Variants in MICU3 observed in about 807,000 individuals in gnomAD.
MICU3 encodes the protein calcium uptake protein 3, mitochondrial.
Under a neutral mutation model 66.5 loss-of-function variants are expected in MICU3, and 62 were observed. That is an observed-to-expected ratio of 0.93 (90% CI 0.76 to 1.15). The LOEUF is 1.15. Among genes scored for constraint, MICU3 ranks in the 50% most tolerant of loss-of-function variants. The pLI is 0.00. For missense variants in MICU3, 779 were observed against 664.4 expected, an observed-to-expected ratio of 1.17 and a Z score of -1.90; for synonymous variants, 308 against 240.7, an observed-to-expected ratio of 1.28 and a Z score of -2.59.
intron 1 of MICU3, among the ~76,000 whole-genome samples, chr8:17,049,328 T>C (rs116159687): frequency 8.5e-5 from 13 of 152,124 alleles, no homozygotes; most frequent in Non-Finnish European, 1.5e-4. Context: ...ATCTAACTTA[T>C]AGTGCCACAG....
At chr8:17,106,416 T>A (rs921885330) in intron 11 of MICU3, among the ~76,000 whole-genome samples, 12 of 152,028 alleles carry the variant, frequency 7.9e-5, no homozygotes, top group African/African-American at 2.9e-4. Context: ...GTACTTTTTG[T>A]CTGTTGTACA....
chr8:17,035,559 A>G (rs1806048961), intron 1 of MICU3, among the ~76,000 whole-genome samples: 1 of 152,240 alleles, frequency 6.6e-6, no homozygotes, highest in Non-Finnish European at 1.5e-5. Context: ...CAAAGAGACT[A>G]GTGGCATGTT....
rs1462103306 is a variant in MICU3 at position 17,118,641 on chromosome 8, T to G, written c.1525-66T>G. 1.7e-5 allele frequency: 18 copies of G among 1,030,586 alleles called. No individual in the cohort carries two copies. The South Asian group carries it at 2.3e-4, about 13-fold the overall frequency. The allele number at this position is 1,030,586 out of a possible 1,614,324, so 63.8% of individuals were successfully genotyped here. On this transcript the variant is annotated intron_variant, in intron 13 of 14. Coordinates refer to ENST00000318063, the MANE Select transcript of MICU3 (RefSeq NM_181723.3). ...TGAGTTTGACTTTTTAGATTCCACA[T>G]GTAAGTGAAATCACGCTGTATTTGT...
At chr8:17,123,708 T>G (rs1490183902), downstream of MICU3, among the ~76,000 whole-genome samples, 1 of 152,006 alleles carries the variant, frequency 6.6e-6, no homozygotes, top group Non-Finnish European at 1.5e-5. Flanking sequence ...TATATGTCAA[T>G]AAATAGATTT....
rs540809916 is a variant in MICU3, at chr8:17,037,334, G to A, written c.381+9674G>A. The stretch of plus-strand genomic sequence containing the variant: ...TGGGAGCCCAGGCAGAGGAGGTGCC[G>A]AGAGCGAGCGAGGACTGTGAAGACT... On this transcript the variant is annotated intron_variant, in intron 1 of 14. Transcript: ENST00000318063. 4.6e-4 allele frequency among the ~76,000 whole-genome samples: 70 copies of A among 152,340 alleles called. 3 individuals are homozygous for A. Among genetic ancestry groups the A allele is most frequent in the African/African-American group, 1.6e-3 (66 of 41,586 alleles).
At chr8:17,128,914 A>G in the MICU3 span, among the ~76,000 whole-genome samples, 23 of 152,212 alleles carry the variant, frequency 1.5e-4, no homozygotes, top group African/African-American at 5.5e-4. Context: ...GTCTGACTGA[A>G]TACTAAGCTG....
At position 17,120,306 on chromosome 8, in the gene MICU3, T is replaced by G. The variant is rs1362745005; in HGVS notation, c.*19T>G. 2 of 152,148 alleles carry G rather than the reference T, an allele frequency of 1.3e-5. No individual in the cohort carries two copies. The highest frequency in any genetic ancestry group is 2.1e-4 in the South Asian group (1 of 4,834). The allele number at this position is 152,148 out of a possible 1,614,324, so 9.4% of individuals were successfully genotyped here. ...TAATTAGATACTCCTAAAACAAAGT[T>G]TAAAGGATTACTATCTGTGTGACAA... On this transcript the variant is annotated 3_prime_UTR_variant, in exon 15 of 15. Transcript: ENST00000318063.
In MICU3 at chr8:17,069,670, TA is replaced by T; in HGVS notation, c.536-17del. The T allele has an allele frequency of 6.8e-7, 1 of 1,476,826 alleles. No homozygotes were observed. Among genetic ancestry groups the T allele is most frequent in the Non-Finnish European group, 9.3e-7 (1 of 1,080,974 alleles). The allele number at this position is 1,476,826 out of a possible 1,614,324, so 91.5% of individuals were successfully genotyped here. A position where few individuals can be genotyped will look rare whatever the true frequency, so the allele number is the denominator to read the frequency against. On this transcript the variant is annotated splice_polypyrimidine_tract_variant and intron_variant, in intron 2 of 14. Transcript: ENST00000318063. ...TGAAGTATTTATTATCTAATTATCT[TA>T]CATTTGTTTATTTTAGTTGCCAAAA...
chr8:17,059,957 A>G (rs1817561352), intron 1 of MICU3, among the ~76,000 whole-genome samples: 1 of 152,210 alleles, frequency 6.6e-6, no homozygotes, highest in Admixed American at 6.5e-5. Context: ...GATTTTTACA[A>G]CAGAATTTGA....
chr8:17,090,427 G>C (rs1428849748), intron 7 of MICU3, 119 bp from the exon 8 acceptor site: 3 of 754,776 alleles, frequency 4.0e-6, no homozygotes, highest in Non-Finnish European at 6.6e-6. Flanking sequence ...ATAAAATGTA[G>C]CATAATGATT....
At chr8:17,064,954 T>C (rs1057345741) in intron 2 of MICU3, among the ~76,000 whole-genome samples, 7 of 151,972 alleles carry the variant, frequency 4.6e-5, no homozygotes, top group African/African-American at 1.7e-4. Context: ...GGTAAAAGAG[T>C]AATGAGAACC....
At chr8:17,069,768 A>C (rs370506546) in intron 3 of MICU3, 49 bp downstream of exon 3, 36 of 588,512 alleles carry the variant, frequency 6.1e-5, no homozygotes, top group Non-Finnish European at 9.5e-5. Context: ...ATGTGCATGC[A>C]TATATACATA....
At chr8:17,104,133 T>C (rs1018000529) in intron 9 of MICU3, among the ~76,000 whole-genome samples, 157 of 152,074 alleles carry the variant, frequency 1.0e-3, no homozygotes, top group African/African-American at 3.6e-3. Flanking sequence ...TAATTTGTGA[T>C]TAAACATTTC....
At chr8:17,119,665 ACT>A (rs1340255340) in intron 14 of MICU3, among the ~76,000 whole-genome samples, 6 of 152,158 alleles carry the variant, frequency 3.9e-5, no homozygotes, top group Non-Finnish European at 8.8e-5. Context: ...TCATAATAAA[ACT>A]GGTTAAATAA....
chr8:17,052,039 G>T (rs1309305767), intron 1 of MICU3, among the ~76,000 whole-genome samples: 3 of 152,164 alleles, frequency 2.0e-5, no homozygotes, highest in Non-Finnish European at 4.4e-5. Flanking sequence ...AGGAAAAGAG[G>T]AGGTCTACAT....
chr8:17,091,486 T>C (rs915660949), intron 8 of MICU3, among the ~76,000 whole-genome samples: 1 of 152,106 alleles, frequency 6.6e-6, no homozygotes, highest in Non-Finnish European at 1.5e-5. Context: ...AAAGTAGGTG[T>C]ATTGTCTCCT....
chr8:17,123,225 T>A (rs1381496164), downstream of MICU3, among the ~76,000 whole-genome samples: 1 of 152,124 alleles, frequency 6.6e-6, no homozygotes, highest in East Asian at 1.9e-4. Flanking sequence ...TGTGAAATAC[T>A]TTATTTGTAG....
chr8:17,038,787 A>T (rs1474080539), intron 1 of MICU3, among the ~76,000 whole-genome samples: 1 of 152,100 alleles, frequency 6.6e-6, no homozygotes, highest in East Asian at 1.9e-4. Context: ...CCCCGTCTCT[A>T]CTGAAAGTAC....
intron 1 of MICU3, among the ~76,000 whole-genome samples, chr8:17,057,411 A>G (rs1563305855): frequency 6.6e-6 from 1 of 152,224 alleles, no homozygotes; most frequent in Non-Finnish European, 1.5e-5. Context: ...GGTTACCTCC[A>G]ACCTGGAACA....
Sources: gnomAD v4.1 joint callset for allele counts (sites outside exome capture counted in the v4.1 genomes callset) on GRCh38, gnomAD v4.1.1 for gene constraint, MANE v1.5 for transcripts, NCBI Gene and HGNC (gene_info 2026-07-23, HGNC 2026-07-21) for gene names.